ANXA4: variants seen among roughly 807,000 people sequenced by gnomAD.
ANXA4 encodes annexin A4.
Under a neutral mutation model 49.8 loss-of-function variants are expected in ANXA4, and 39 were observed. The ratio of observed to expected loss-of-function variants is 0.78; its 90% confidence interval spans 0.61 to 1.02. The LOEUF (loss-of-function observed/expected upper bound fraction) is 1.02. ANXA4 is among the 50% of genes least tolerant of loss of function. The pLI, the probability that ANXA4 is intolerant of heterozygous loss-of-function variation, is 0.00. For synonymous variants in ANXA4, 134 were observed against 152.5 expected (o/e 0.88, Z 0.89); for missense variants, 360 against 410.1 (o/e 0.88, Z 1.05).
intron 2 of ANXA4, among the ~76,000 whole-genome samples, chr2:69,704,322 T>C (rs1678422476): frequency 6.6e-6 from 1 of 152,342 alleles, no homozygotes; most frequent in South Asian, 2.1e-4. Flanking sequence ...ATACAAAAAG[T>C]AACTAACTAC....
intron 8 of ANXA4, 148 bp from the exon 9 acceptor site, chr2:69,815,953 G>A: frequency 3.1e-6 from 2 of 641,112 alleles, no homozygotes; most frequent in Non-Finnish European, 2.8e-6. Flanking sequence ...AGGATCCTGA[G>A]TCATTTCCAC....
intron 1 of ANXA4, among the ~76,000 whole-genome samples, chr2:69,742,988 C>T (rs6750104): frequency 0.64 from 97,681 of 152,038 alleles, 33,684 homozygotes; most frequent in African/African-American, 0.89. Flanking sequence ...CCCCCTTCCA[C>T]TCCCTACTGT....
chr2:69,807,552 G>A (rs1673497307), intron 5 of ANXA4, among the ~76,000 whole-genome samples: 1 of 152,128 alleles, frequency 6.6e-6, no homozygotes, highest in South Asian at 2.1e-4. Context: ...TCTGGGCCAG[G>A]CTCTGGGAAA....
At chr2:69,810,409 A>G in intron 6 of ANXA4, 185 bp from the exon 7 acceptor site, 1 of 591,918 alleles carries the variant, frequency 1.7e-6, no homozygotes, top group Non-Finnish European at 3.1e-6. Context: ...GTGTGACAGG[A>G]TAAGCTGATC....
chr2:69,772,021 A>T (rs1671739744), intron 1 of ANXA4, among the ~76,000 whole-genome samples: 1 of 152,216 alleles, frequency 6.6e-6, no homozygotes. Flanking sequence ...GATACTGTTA[A>T]GAAGCTGTAG....
chr2:69,766,469 A>G (rs1671497080), intron 1 of ANXA4, among the ~76,000 whole-genome samples: 1 of 152,200 alleles, frequency 6.6e-6, no homozygotes, highest in South Asian at 2.1e-4. Flanking sequence ...CTTGGCCCAA[A>G]TCACCCAGTT....
rs1673356059 is a variant in ANXA4 at position 69,804,570 on chromosome 2, C to T, written c.135C>T (p.Tyr45=). The change falls in exon 4 of 13, where the codon TAC becomes TAT. Residue 45 remains tyrosine, a synonymous_variant. Transcript: ENST00000394295. ...ACGCCATTATTAGCGTCCTTGCCTA[C>T]CGCAACACCGCCCAGCGCCAGGAGA... ...DEDAIISVLA[Y]RNTAQRQEIR... The T allele has an allele frequency of 1.9e-6, 3 of 1,613,822 alleles. No homozygotes were observed. Among genetic ancestry groups the T allele is most frequent in the Admixed American group, 1.7e-5 (1 of 59,990 alleles).
At chr2:69,793,250 C>CAGAAAAA (rs768284648) in intron 3 of ANXA4, among the ~76,000 whole-genome samples, 1 of 128,580 alleles carries the variant, frequency 7.8e-6, no homozygotes, top group African/African-American at 3.0e-5. Flanking sequence ...GACTCCATCT[C>CAGAAAAA]AAAAAAAAAA....
At chr2:69,723,016 C>CA (rs1669854473) in intron 3 of ANXA4, among the ~76,000 whole-genome samples, 4 of 129,146 alleles carry the variant, frequency 3.1e-5, no homozygotes, top group Admixed American at 8.2e-5. Context: ...ACTAAAAATA[C>CA]CAAAAAATAT....
intron 2 of ANXA4, among the ~76,000 whole-genome samples, chr2:69,667,974 A>C (rs900593485): frequency 1.3e-5 from 2 of 152,328 alleles, no homozygotes; most frequent in Admixed American, 6.5e-5. Flanking sequence ...ACTAGTGAGC[A>C]TGCAGAAATG....
chr2:69,690,094 T>A lies in ANXA4; in HGVS notation n.767-30680T>A, dbSNP rs1300430002. Reference sequence around the variant, plus strand: ...TTTACAGCTGTGTAGTACTCTGCCATGTGAACTGTGCATAGTATTATTTGG... The same window carrying A: ...TTTACAGCTGTGTAGTACTCTGCCAAGTGAACTGTGCATAGTATTATTTGG... On this transcript the variant is annotated intron_variant and non_coding_transcript_variant, in intron 2 of 3. Transcript: ENST00000418066. 2.0e-5 allele frequency among the ~76,000 whole-genome samples: 3 copies of A among 152,206 alleles called. No homozygotes were observed. In the East Asian group the frequency reaches 5.8e-4, roughly 29 times the overall value.
chr2:69,716,998 C>T (rs552953681), intron 2 of ANXA4, among the ~76,000 whole-genome samples: 30 of 152,150 alleles, frequency 2.0e-4, no homozygotes, highest in Admixed American at 2.6e-4. Context: ...TGTGGCAAGA[C>T]AAAACAGATG....
chr2:69,810,796 C>T, intron 7 of ANXA4, 123 bp downstream of exon 7: 1 of 731,566 alleles, frequency 1.4e-6, no homozygotes, highest in East Asian at 2.6e-5. Flanking sequence ...GTTCTCAGAC[C>T]CCTCTGTTCC....
At chr2:69,662,992 CTT>C (rs746269236) in intron 2 of ANXA4, among the ~76,000 whole-genome samples, 9 of 123,174 alleles carry the variant, frequency 7.3e-5, no homozygotes, top group Admixed American at 2.0e-4. Context: ...TTTTCTTTTT[CTT>C]TTTTTTTTTT....
intron 2 of ANXA4, among the ~76,000 whole-genome samples, chr2:69,693,154 T>G (rs1341015354): frequency 6.6e-6 from 1 of 152,234 alleles, no homozygotes; most frequent in African/African-American, 2.4e-5. Flanking sequence ...CAAATTTATT[T>G]GCCTAGTGAA....
intron 12 of ANXA4, 59 bp downstream of exon 12, chr2:69,820,880 T>C: frequency 6.4e-7 from 1 of 1,558,960 alleles, no homozygotes. Flanking sequence ...CCTCTGACCT[T>C]GGCATTTAGC....
At chr2:69,656,724 A>AT (rs1324697027) in intron 2 of ANXA4, among the ~76,000 whole-genome samples, 6 of 151,252 alleles carry the variant, frequency 4.0e-5, no homozygotes, top group African/African-American at 1.5e-4. Context: ...TAATTTTTGT[A>AT]TTTTTAGTAG....
At chr2:69,765,798 G>T (rs894485814) in intron 1 of ANXA4, among the ~76,000 whole-genome samples, 3 of 152,150 alleles carry the variant, frequency 2.0e-5, no homozygotes, top group Non-Finnish European at 4.4e-5. Context: ...AGAATACCAT[G>T]GGTCTCAGAA....
At chr2:69,781,228 A>C (rs923968853) in intron 1 of ANXA4, 41 of 401,430 alleles carry the variant, frequency 1.0e-4, no homozygotes, top group Non-Finnish European at 1.6e-4. Flanking sequence ...GCTTGAGTAC[A>C]AGTATTGGTA....
Sources: gnomAD v4.1 joint callset for allele counts (sites outside exome capture counted in the v4.1 genomes callset) on GRCh38, gnomAD v4.1.1 for gene constraint, MANE v1.5 for transcripts, NCBI Gene and HGNC (gene_info 2026-07-23, HGNC 2026-07-21) for gene names.